Variants in SLC10A7 observed in about 807,000 individuals in gnomAD.
SLC10A7 encodes the protein solute carrier family 10 member 7.
A neutral mutation model predicts 43.2 loss-of-function variants in SLC10A7; 29 were observed. The observed-to-expected ratio is 0.67, with a 90% confidence interval of 0.50 to 0.92. The LOEUF is 0.92. Ranked by LOEUF, SLC10A7 falls within the 40% of genes least tolerant of loss-of-function variation. The pLI is 0.00. For missense variants in SLC10A7, 295 were observed against 403.2 expected (o/e 0.73, Z 2.30); for synonymous variants, 152 against 144.8 (o/e 1.05, Z -0.35).
chr4:146,298,990 G>A (rs1472727562), intron 7 of SLC10A7, among the ~76,000 whole-genome samples: 2 of 152,140 alleles, frequency 1.3e-5, no homozygotes, highest in African/African-American at 4.8e-5. Context: ...TGGGGAAACA[G>A]AAAAATAAAA....
At chr4:146,517,836 T>C (rs144787717) in intron 1 of SLC10A7, among the ~76,000 whole-genome samples, 10 of 152,318 alleles carry the variant, frequency 6.6e-5, no homozygotes, top group African/African-American at 2.4e-4. Flanking sequence ...TCATTTCTTC[T>C]AGGATATCAG....
intron 4 of SLC10A7, among the ~76,000 whole-genome samples, chr4:146,489,721 A>G (rs1267681988): frequency 6.6e-6 from 1 of 152,188 alleles, no homozygotes; most frequent in African/African-American, 2.4e-5. Context: ...CAGAACAGAA[A>G]TCAGAAAGTG....
chr4:146,487,911 TAGAC>T (rs910097667), intron 4 of SLC10A7, among the ~76,000 whole-genome samples: 3 of 150,832 alleles, frequency 2.0e-5, no homozygotes, highest in Non-Finnish European at 4.4e-5. Flanking sequence ...AAAAAAAAAT[TAGAC>T]AGGCATAGTG....
At chr4:146,362,139 C>T (rs1379454054) in intron 5 of SLC10A7, among the ~76,000 whole-genome samples, 6 of 151,978 alleles carry the variant, frequency 3.9e-5, no homozygotes, top group African/African-American at 1.2e-4. Context: ...AGTTATCGGC[C>T]TTAAGAGGCT....
At position 146,516,432 on chromosome 4, in the gene SLC10A7, T is replaced by C. The variant is rs116757744; in HGVS notation, c.183+606A>G. On this transcript the variant is annotated intron_variant, in intron 2 of 11. Transcript: ENST00000335472. The stretch of plus-strand genomic sequence containing the variant: ...GTGTGTGTTTGTGTGTGTGTGTGTA[T>C]ACACACACACTTTTGACACATATAT... 5.4e-3 allele frequency among the ~76,000 whole-genome samples: 811 copies of C among 148,948 alleles called. 7 individuals are homozygous for C. Among genetic ancestry groups the C allele is most frequent in the African/African-American group, 0.019 (780 of 40,666 alleles).
chr4:146,382,947 C>T (rs1737736450), intron 5 of SLC10A7, among the ~76,000 whole-genome samples: 1 of 151,898 alleles, frequency 6.6e-6, no homozygotes, highest in African/African-American at 2.4e-5. Context: ...TCATCAATAT[C>T]GGTGAAACTT....
chr4:146,303,849 A>G (rs556859318), intron 7 of SLC10A7, among the ~76,000 whole-genome samples: 5 of 132,074 alleles, frequency 3.8e-5, no homozygotes, highest in African/African-American at 1.2e-4. Flanking sequence ...TCTTTACAAC[A>G]ACCCTTTACG....
intron 10 of SLC10A7, among the ~76,000 whole-genome samples, chr4:146,271,601 T>G (rs1728898681): frequency 6.6e-6 from 1 of 152,154 alleles, no homozygotes; most frequent in South Asian, 2.1e-4. Context: ...AAAGTAGAAG[T>G]GAGATCTTGT....
Position 146,521,740 on chromosome 4 carries a change from T to A in SLC10A7, c.-23A>T, listed in dbSNP as rs758937761. The A allele has an allele frequency of 2.5e-6, 4 of 1,595,124 alleles. No individual in the cohort carries two copies. Among genetic ancestry groups the A allele is most frequent in the Non-Finnish European group, 3.4e-6 (4 of 1,163,736 alleles). On this transcript the variant is annotated 5_prime_UTR_variant, in exon 1 of 12. It introduces an in-frame stop codon into an upstream open reading frame of the 5' UTR. Transcript: ENST00000335472. The stretch of plus-strand genomic sequence containing the variant: ...CATATTTGTTAGGGTGGGTGGGTTT[T>A]GTTTATTTGTTTGGCTTTTTTTCTT...
chr4:146,507,279 T>C (rs928772596), intron 3 of SLC10A7, among the ~76,000 whole-genome samples: 1 of 152,168 alleles, frequency 6.6e-6, no homozygotes, highest in African/African-American at 2.4e-5. Context: ...AATCAATCTG[T>C]GGCTGGGCGC....
chr4:146,260,056 C>T (rs1342699838), intron 10 of SLC10A7, among the ~76,000 whole-genome samples: 1 of 152,192 alleles, frequency 6.6e-6, no homozygotes, highest in Non-Finnish European at 1.5e-5. Context: ...TGGTTACTTT[C>T]TTTTTCACAG....
chr4:146,379,743 A>G (rs73852809), intron 5 of SLC10A7, among the ~76,000 whole-genome samples: 2,434 of 152,274 alleles, frequency 0.016, 80 homozygotes, highest in African/African-American at 0.056. Flanking sequence ...TCCAAAGAAC[A>G]TCGCATTAAG....
intron 5 of SLC10A7, among the ~76,000 whole-genome samples, chr4:146,349,023 A>G (rs1162819937): frequency 6.6e-6 from 1 of 152,240 alleles, no homozygotes; most frequent in Non-Finnish European, 1.5e-5. Flanking sequence ...TTTGCTGATC[A>G]TTCACTGAGA....
chr4:146,287,892 G>A (rs2111155886), intron 9 of SLC10A7, among the ~76,000 whole-genome samples: 1 of 152,294 alleles, frequency 6.6e-6, no homozygotes, highest in African/African-American at 2.4e-5. Flanking sequence ...TTCTTTTCAA[G>A]GTTACAGCAC....
At chr4:146,509,407 A>T (rs936436227) in intron 3 of SLC10A7, among the ~76,000 whole-genome samples, 2 of 152,234 alleles carry the variant, frequency 1.3e-5, no homozygotes, top group African/African-American at 4.8e-5. Context: ...AAAACTATTT[A>T]AAAACTTTGC....
At chr4:146,366,130 C>A (rs968600444) in intron 5 of SLC10A7, among the ~76,000 whole-genome samples, 6 of 152,206 alleles carry the variant, frequency 3.9e-5, no homozygotes, top group Non-Finnish European at 5.9e-5. Flanking sequence ...TTAGCTTCTA[C>A]AAAACCGGTC....
intron 9 of SLC10A7, among the ~76,000 whole-genome samples, chr4:146,285,557 C>T (rs1195490825): frequency 6.6e-6 from 1 of 152,034 alleles, no homozygotes; most frequent in Non-Finnish European, 1.5e-5. Context: ...GAATGTGGCA[C>T]AATGTAAATG....
chr4:146,499,196 T>C lies in SLC10A7; in HGVS notation c.396+4653A>G, dbSNP rs186713899. Among the ~76,000 whole-genome samples the C allele has an allele frequency of 3.1e-3, 467 of 152,314 alleles. 2 individuals are homozygous for C. Among genetic ancestry groups the C allele is most frequent in the Non-Finnish European group, 5.3e-3 (359 of 68,028 alleles). On this transcript the variant is annotated intron_variant, in intron 4 of 11. Coordinates refer to ENST00000335472, the MANE Select transcript of SLC10A7 (RefSeq NM_001029998.6). ...AAAATCCTGAAGGAAGACGTTTTCATACTTGTCATATACACCATCAAGAAC... is the reference window on the plus strand; with the variant it reads ...AAAATCCTGAAGGAAGACGTTTTCACACTTGTCATATACACCATCAAGAAC...
At chr4:146,335,790 C>A (rs1733856807) in intron 5 of SLC10A7, among the ~76,000 whole-genome samples, 1 of 152,096 alleles carries the variant, frequency 6.6e-6, no homozygotes, top group Non-Finnish European at 1.5e-5. Context: ...TGAACACTAT[C>A]ATTTAAACAA....
Sources: gnomAD v4.1 joint callset for allele counts (sites outside exome capture counted in the v4.1 genomes callset) on GRCh38, gnomAD v4.1.1 for gene constraint, MANE v1.5 for transcripts, NCBI Gene and HGNC (gene_info 2026-07-23, HGNC 2026-07-21) for gene names.